RIMBP2: variants seen among roughly 807,000 people sequenced by gnomAD.
RIMBP2 encodes the protein RIMS binding protein 2.
In RIMBP2, 48 loss-of-function variants were observed where a neutral mutation model predicts 118.6. The ratio of observed to expected loss-of-function variants is 0.40; its 90% CI spans 0.32 to 0.51. The LOEUF (loss-of-function observed/expected upper bound fraction) is 0.51, where lower values mean the gene tolerates loss of function less well. Ranked by LOEUF, RIMBP2 falls within the 20% of genes least tolerant of loss-of-function variation. RIMBP2 has a pLI of 0.41. For synonymous variants in RIMBP2, 762 were observed against 742.9 expected (o/e 1.03, Z -0.42); for missense variants, 1,551 against 1,768.3 (o/e 0.88, Z 2.20).
At chr12:130,705,808 T>G (rs2066086543) in intron 1 of RIMBP2, among the ~76,000 whole-genome samples, 1 of 152,246 alleles carries the variant, frequency 6.6e-6, no homozygotes, top group Non-Finnish European at 1.5e-5. Context: ...CAGGTGTGGC[T>G]GGGACCAACG....
intron 1 of RIMBP2, among the ~76,000 whole-genome samples, chr12:130,636,025 G>C (rs929834914): frequency 1.3e-5 from 2 of 152,116 alleles, no homozygotes; most frequent in African/African-American, 4.8e-5. Context: ...CTCGTGACCT[G>C]GTTCCGCTAA....
intron 7 of RIMBP2, among the ~76,000 whole-genome samples, chr12:130,455,847 C>T (rs930219548): frequency 6.6e-6 from 1 of 152,056 alleles, no homozygotes; most frequent in South Asian, 2.1e-4. Context: ...AACCTTCAGC[C>T]AGGACGTAGC....
intron 1 of RIMBP2, among the ~76,000 whole-genome samples, chr12:130,646,401 G>GCCTCTCCACCTC (rs796572913): frequency 1.5e-4 from 1 of 6,598 alleles, no homozygotes; most frequent in Non-Finnish European, 2.8e-4. Flanking sequence ...CTCACCACCT[G>GCCTCTCCACCTC]CCTCTCCACC....
At chr12:130,482,929 T>C (rs371113324) in intron 4 of RIMBP2, among the ~76,000 whole-genome samples, 1 of 94,034 alleles carries the variant, frequency 1.1e-5, no homozygotes, top group African/African-American at 4.2e-5. Context: ...AATACACCCA[T>C]TGTGTGTGTA....
chr12:130,406,696 G>A (rs2075205854), intron 20 of RIMBP2, among the ~76,000 whole-genome samples: 1 of 152,196 alleles, frequency 6.6e-6, no homozygotes, highest in Non-Finnish European at 1.5e-5. Flanking sequence ...GCCCAGGCTG[G>A]AGTGCAGCAG....
At position 130,447,246 on chromosome 12, in the gene RIMBP2, C is replaced by G. The variant is rs745968814; in HGVS notation, c.582-1977G>C. Among the ~76,000 whole-genome samples, 1 of 152,038 alleles carries G rather than the reference C, an allele frequency of 6.6e-6. No individual in the cohort carries two copies. Among genetic ancestry groups the G allele is most frequent in the South Asian group, 2.1e-4 (1 of 4,784 alleles). On this transcript the variant is annotated intron_variant, in intron 9 of 22. Transcript: ENST00000690449. The surrounding 1 kb of genome is among the most constrained non-coding windows in gnomAD (Gnocchi z 4.4). ...GGAGGCCAAGAGGGAAGGTGAACAC[C>G]GAGAAGGGTGGAAGAAGGTCCCTGG...
intron 1 of RIMBP2, among the ~76,000 whole-genome samples, chr12:130,650,950 G>GTT (rs60984430): frequency 0.015 from 1,901 of 126,286 alleles, 22 homozygotes; most frequent in Non-Finnish European, 0.023. Flanking sequence ...ACACAGCCTT[G>GTT]TTTTTTTTAA....
intron 18 of RIMBP2, 23 bp downstream of exon 18, chr12:130,414,102 G>A (rs201126828): frequency 1.4e-4 from 232 of 1,613,010 alleles, no homozygotes; most frequent in Admixed American, 2.0e-4. Context: ...TGATGAAGCC[G>A]CCCGCAGGCA....
In RIMBP2 at chr12:130,463,324, G is replaced by A. The variant is rs372607369; in HGVS notation, c.154-6624C>T. Among the ~76,000 whole-genome samples, 43 of 152,330 alleles carry A rather than the reference G, an allele frequency of 2.8e-4. No homozygotes were observed. The East Asian group carries it at 5.0e-3, about 18-fold the overall frequency. ...CTCCCCATCCCGAGGCCACCTGCTC[G>A]GCGCTAGGGTCTGCAGGGCACTGCT... On this transcript the variant is annotated intron_variant, in intron 6 of 22. Transcript: ENST00000690449.
intron 5 of RIMBP2, among the ~76,000 whole-genome samples, chr12:130,472,705 G>T (rs1028192889): frequency 6.6e-6 from 1 of 152,172 alleles, no homozygotes; most frequent in Non-Finnish European, 1.5e-5. Flanking sequence ...CTGAAAACAG[G>T]GAAGAGCTTG....
At chr12:130,483,814 C>T (rs377422645) in intron 4 of RIMBP2, among the ~76,000 whole-genome samples, 3 of 145,018 alleles carry the variant, frequency 2.1e-5, no homozygotes, top group East Asian at 2.1e-4. Context: ...CACCTAGATA[C>T]GGTGCCCGGA....
At chr12:130,399,964 G>A (rs1325947394) in intron 21 of RIMBP2, 151 bp from the exon 22 acceptor site, 6 of 875,666 alleles carry the variant, frequency 6.9e-6, no homozygotes, top group East Asian at 5.3e-5. Context: ...CTAAATCAGG[G>A]TTTCCAAATT....
intron 7 of RIMBP2, among the ~76,000 whole-genome samples, chr12:130,455,737 A>T (rs911476519): frequency 6.6e-6 from 1 of 152,172 alleles, no homozygotes; most frequent in Non-Finnish European, 1.5e-5. Context: ...TTCCAAAGTG[A>T]GGTTCAGACG....
intron 6 of RIMBP2, among the ~76,000 whole-genome samples, chr12:130,459,278 C>G (rs1209871504): frequency 2.0e-5 from 3 of 148,628 alleles, no homozygotes; most frequent in African/African-American, 7.5e-5. Flanking sequence ...AAATGCCATA[C>G]AGCTATATAC....
intron 2 of RIMBP2, among the ~76,000 whole-genome samples, chr12:130,520,672 CAAA>C (rs1162018669): frequency 0.056 from 3,870 of 68,606 alleles, 110 homozygotes; most frequent in African/African-American, 0.13. Flanking sequence ...AACTCCATCT[CAAA>C]AAAAAAAAAA....
rs371141403 is a variant in RIMBP2 at position 130,452,127 on chromosome 12, G to A, written c.359-787C>T. Among the ~76,000 whole-genome samples, 5 of 152,146 alleles carry A rather than the reference G, an allele frequency of 3.3e-5. No individual in the cohort carries two copies. The East Asian group carries it at 5.8e-4, about 18-fold the overall frequency. ...CCAGGATCCGGGTGTGAAACATGACGCGGCTGCTTCCTTCCCAAGCTCTCC... is the reference window on the plus strand; with the variant it reads ...CCAGGATCCGGGTGTGAAACATGACACGGCTGCTTCCTTCCCAAGCTCTCC... On this transcript the variant is annotated intron_variant, in intron 7 of 22. Transcript: ENST00000690449.
intron 17 of RIMBP2, among the ~76,000 whole-genome samples, chr12:130,421,971 G>T (rs184742995): frequency 2.6e-5 from 4 of 152,304 alleles, no homozygotes; most frequent in African/African-American, 9.6e-5. Context: ...ATGGATGTGG[G>T]GAGCACACAT....
intron 22 of RIMBP2, chr12:130,398,091 A>C (rs1271343715): frequency 2.0e-5 from 3 of 152,632 alleles, no homozygotes; most frequent in African/African-American, 7.2e-5. Context: ...AAGAAAGCTT[A>C]AAGGCCCTTA....
At chr12:130,702,222 T>C (rs567431597) in intron 1 of RIMBP2, among the ~76,000 whole-genome samples, 1 of 152,100 alleles carries the variant, frequency 6.6e-6, no homozygotes, top group Admixed American at 6.5e-5. Flanking sequence ...AGCAATGAAA[T>C]AACCACATGT....
Sources: allele counts gnomAD v4.1 joint callset (sites outside exome capture counted in the v4.1 genomes callset), GRCh38; gene constraint gnomAD v4.1.1; non-coding constraint Gnocchi (gnomAD v3.1); transcripts MANE v1.5; gene names NCBI Gene and HGNC (gene_info 2026-07-23, HGNC 2026-07-21).